The following DPP10 variants were observed in gnomAD, a reference collection of about 807,000 sequenced individuals.
DPP10 encodes the protein inactive dipeptidyl peptidase 10.
A neutral mutation model predicts 120.9 loss-of-function variants in DPP10; 33 were observed. That is an observed-to-expected ratio of 0.27 (90% CI 0.21 to 0.37). DPP10 has a LOEUF of 0.37. Ranked by LOEUF, DPP10 falls within the 10% of genes least tolerant of loss-of-function variation. The pLI is 1.00. For missense variants in DPP10, 816 were observed against 942.8 expected (o/e 0.87, Z 1.76); for synonymous variants, 337 against 326.1 (o/e 1.03, Z -0.36).
chr2:114,704,070 G>C (rs1700544188), intron 1 of DPP10, among the ~76,000 whole-genome samples: 1 of 152,104 alleles, frequency 6.6e-6, no homozygotes, highest in Non-Finnish European at 1.5e-5. Context: ...CAGGGCAACA[G>C]GGCAAGGCTG....
At chr2:115,166,197 T>C (rs1390819246) in intron 1 of DPP10, among the ~76,000 whole-genome samples, 1 of 152,114 alleles carries the variant, frequency 6.6e-6, no homozygotes, top group African/African-American at 2.4e-5. Flanking sequence ...AGAGTTATTC[T>C]TCCATGTGCC....
chr2:114,626,146 T>G (rs189531143), intron 1 of DPP10, among the ~76,000 whole-genome samples: 3 of 152,002 alleles, frequency 2.0e-5, no homozygotes, highest in Admixed American at 1.3e-4. Context: ...AACATAAATG[T>G]GATTACTCAT....
intron 5 of DPP10, among the ~76,000 whole-genome samples, chr2:115,547,191 G>A (rs949014619): frequency 6.6e-6 from 1 of 152,062 alleles, no homozygotes; most frequent in Non-Finnish European, 1.5e-5. Flanking sequence ...AATTCCCAGC[G>A]AGGTCATTCT....
At chr2:115,159,893 G>A (rs4131302) in intron 1 of DPP10, among the ~76,000 whole-genome samples, 101,622 of 152,006 alleles carry the variant, frequency 0.67, 34,173 homozygotes, top group East Asian at 0.76. Context: ...CCTCCAGCAT[G>A]TACTTATCCT....
intron 3 of DPP10, among the ~76,000 whole-genome samples, chr2:115,403,823 G>T (rs1026208496): frequency 2.6e-5 from 4 of 152,098 alleles, no homozygotes; most frequent in African/African-American, 9.7e-5. Context: ...TTGTTGATAA[G>T]ATGATCTTAT....
intron 3 of DPP10, among the ~76,000 whole-genome samples, chr2:115,370,478 A>G (rs570679112): frequency 6.6e-6 from 1 of 152,230 alleles, no homozygotes; most frequent in South Asian, 2.1e-4. Context: ...AACATAGAGT[A>G]GAACCTGTAC....
chr2:114,788,609 G>A (rs943090771), intron 1 of DPP10, among the ~76,000 whole-genome samples: 5 of 151,916 alleles, frequency 3.3e-5, no homozygotes, highest in Admixed American at 1.3e-4. Flanking sequence ...AGTAGAGACG[G>A]GGTTTCACCA....
chr2:114,642,960 G>A lies in DPP10; in HGVS notation c.60+200122G>A, dbSNP rs1695821547. ...TGTTAATAGGTCCATTGGTCACTGG[G>A]ACACCCACATGGGGGTTATATACCT... is the stretch of plus-strand genomic sequence containing the variant. On this transcript the variant is annotated intron_variant, in intron 1 of 25. Transcript: ENST00000410059. 3.3e-5 allele frequency among the ~76,000 whole-genome samples: 5 copies of A among 151,884 alleles called. No homozygotes were observed. The South Asian group carries it at 8.3e-4, about 25-fold the overall frequency.
intron 1 of DPP10, among the ~76,000 whole-genome samples, chr2:115,274,739 A>T (rs531825783): frequency 6.6e-6 from 1 of 152,258 alleles, no homozygotes; most frequent in Non-Finnish European, 1.5e-5. Context: ...ATGGAAAGAC[A>T]CTATGCAAAA....
At chr2:114,795,486 C>T (rs1683626544) in intron 1 of DPP10, among the ~76,000 whole-genome samples, 1 of 150,738 alleles carries the variant, frequency 6.6e-6, no homozygotes, top group Non-Finnish European at 1.5e-5. Flanking sequence ...AGTGAAACGT[C>T]ATCTCTGGGG....
chr2:115,133,145 G>GTGTGTATATATA (rs1338395575), intron 1 of DPP10, among the ~76,000 whole-genome samples: 7 of 28,772 alleles, frequency 2.4e-4, no homozygotes, highest in Admixed American at 5.2e-4. Context: ...GTGTGTGTGT[G>GTGTGTATATATA]TATATATATA....
chr2:114,913,372 G>T (rs1383213918), intron 1 of DPP10, among the ~76,000 whole-genome samples: 1 of 152,128 alleles, frequency 6.6e-6, no homozygotes, highest in African/African-American at 2.4e-5. Context: ...CAAGTGGACT[G>T]GGAACACCTT....
chr2:115,522,538 C>T (rs2077875897), intron 4 of DPP10, among the ~76,000 whole-genome samples: 1 of 152,224 alleles, frequency 6.6e-6, no homozygotes, highest in East Asian at 1.9e-4. Flanking sequence ...TGTTTCTCTA[C>T]TTGATCACAT....
At chr2:114,790,658 C>A (rs980601545) in intron 1 of DPP10, among the ~76,000 whole-genome samples, 1 of 150,386 alleles carries the variant, frequency 6.6e-6, no homozygotes, top group Non-Finnish European at 1.5e-5. Flanking sequence ...TGTTCTCTGG[C>A]GGGCAGGAGT....
chr2:115,836,818 C>A, intron 24 of DPP10, 72 bp downstream of exon 24: 1 of 1,403,270 alleles, frequency 7.1e-7, no homozygotes, highest in Non-Finnish European at 9.7e-7. Flanking sequence ...TAAGGACTTG[C>A]TTACAGGAAG....
chr2:115,081,582 A>T (rs1708278215), intron 1 of DPP10, among the ~76,000 whole-genome samples: 1 of 152,216 alleles, frequency 6.6e-6, no homozygotes, highest in Admixed American at 6.5e-5. Flanking sequence ...ACTTATTAAT[A>T]AATATCTGAT....
chr2:115,009,554 T>C (rs182990871), intron 1 of DPP10, among the ~76,000 whole-genome samples: 3 of 149,910 alleles, frequency 2.0e-5, no homozygotes, highest in African/African-American at 7.4e-5. Flanking sequence ...AATGTGCACA[T>C]GTACCCTAAA....
chr2:115,621,089 C>T (rs1209933730), intron 5 of DPP10, among the ~76,000 whole-genome samples: 6 of 152,094 alleles, frequency 3.9e-5, no homozygotes, highest in Admixed American at 1.3e-4. Context: ...AAATTCTTTC[C>T]ATACTTACAT....
intron 12 of DPP10, among the ~76,000 whole-genome samples, chr2:115,764,029 G>C (rs1161129328): frequency 6.6e-6 from 1 of 152,014 alleles, no homozygotes; most frequent in South Asian, 2.1e-4. Flanking sequence ...TATGTAAGAA[G>C]TCACTTCCTC....
Sources: gnomAD v4.1 joint callset for allele counts (sites outside exome capture counted in the v4.1 genomes callset) on GRCh38, gnomAD v4.1.1 for gene constraint, MANE v1.5 for transcripts, NCBI Gene and HGNC (gene_info 2026-07-23, HGNC 2026-07-21) for gene names.